The following CSMD3 variants were observed in gnomAD, a reference collection of about 807,000 sequenced individuals.
CSMD3 encodes CUB and Sushi multiple domains 3.
CSMD3 carries 177 observed loss-of-function variants against 435.2 expected under a neutral mutation model. The observed-to-expected ratio is 0.41, with a 90% confidence interval of 0.36 to 0.46. CSMD3 has a LOEUF of 0.46. CSMD3 is among the 20% of genes least tolerant of loss of function. CSMD3 has a pLI of 0.34. For missense variants in CSMD3, 4,265 were observed against 4,504.6 expected (o/e 0.95, Z 1.52); for synonymous variants, 1,656 against 1,520.5 (o/e 1.09, Z -2.07).
chr8:112,896,628 C>G (rs2081957335), intron 10 of CSMD3, among the ~76,000 whole-genome samples: 1 of 151,394 alleles, frequency 6.6e-6, no homozygotes, highest in African/African-American at 2.4e-5. Flanking sequence ...TCCACCACCA[C>G]TACAACAATA....
intron 38 of CSMD3, among the ~76,000 whole-genome samples, chr8:112,377,155 T>G (rs1008880356): frequency 1.3e-5 from 2 of 151,898 alleles, no homozygotes; most frequent in Non-Finnish European, 2.9e-5. Context: ...TAAAAACACT[T>G]ATAATAAAAA....
chr8:112,835,544 A>G (rs1289698872), intron 11 of CSMD3, among the ~76,000 whole-genome samples: 1 of 151,878 alleles, frequency 6.6e-6, no homozygotes, highest in Admixed American at 6.6e-5. Flanking sequence ...GAAGTACAGC[A>G]TACCTCCCAA....
intron 3 of CSMD3, among the ~76,000 whole-genome samples, chr8:113,178,525 T>C (rs1225729599): frequency 1.3e-5 from 2 of 151,918 alleles, no homozygotes; most frequent in Non-Finnish European, 2.9e-5. Flanking sequence ...AGAATACTAA[T>C]TGTATTGCGA....
chr8:112,463,083 C>T (rs1009121767), intron 32 of CSMD3, among the ~76,000 whole-genome samples: 10 of 152,250 alleles, frequency 6.6e-5, no homozygotes, highest in South Asian at 6.2e-4. Flanking sequence ...CAGGGCTGGG[C>T]GCAGTGGCTC....
chr8:112,975,571 C>T (rs146456970), intron 7 of CSMD3, among the ~76,000 whole-genome samples: 1 of 152,062 alleles, frequency 6.6e-6, no homozygotes, highest in Non-Finnish European at 1.5e-5. Context: ...TTTTACTGTC[C>T]TGTTTAAAAA....
chr8:113,388,124 G>T (rs1381753053), intron 1 of CSMD3, among the ~76,000 whole-genome samples: 2 of 151,596 alleles, frequency 1.3e-5, no homozygotes, highest in Non-Finnish European at 3.0e-5. Flanking sequence ...ATCTTTATAT[G>T]CTATGCTAAG....
intron 22 of CSMD3, among the ~76,000 whole-genome samples, chr8:112,617,305 T>G (rs1396553744): frequency 1.3e-5 from 2 of 152,220 alleles, no homozygotes; most frequent in Non-Finnish European, 2.9e-5. Flanking sequence ...TTTTTCTTAT[T>G]TGGGCAAAAT....
chr8:113,387,137 T>A (rs1217594421), intron 1 of CSMD3, among the ~76,000 whole-genome samples: 4 of 151,802 alleles, frequency 2.6e-5, no homozygotes, highest in Non-Finnish European at 5.9e-5. Flanking sequence ...ATTCAAATTA[T>A]TTTTTAATCA....
At chr8:112,982,485 G>C (rs1020032900) in intron 6 of CSMD3, among the ~76,000 whole-genome samples, 1 of 151,894 alleles carries the variant, frequency 6.6e-6, no homozygotes, top group Non-Finnish European at 1.5e-5. Flanking sequence ...TAGAGTAAAA[G>C]CATTTGTCAT....
chr8:112,866,509 T>C (rs1194005412), intron 10 of CSMD3, among the ~76,000 whole-genome samples: 1 of 152,186 alleles, frequency 6.6e-6, no homozygotes, highest in Non-Finnish European at 1.5e-5. Context: ...TTTGCTGACA[T>C]ATGTGACATG....
intron 4 of CSMD3, among the ~76,000 whole-genome samples, chr8:113,104,612 TTA>T: frequency 6.6e-6 from 1 of 152,218 alleles, no homozygotes; most frequent in South Asian, 2.1e-4. Flanking sequence ...TAATTTTGTT[TTA>T]TGTTTGTCAC....
intron 52 of CSMD3, among the ~76,000 whole-genome samples, chr8:112,302,743 T>C (rs566210040): frequency 5.3e-5 from 8 of 151,988 alleles, no homozygotes; most frequent in Admixed American, 4.6e-4. Flanking sequence ...GGTAGAGAAA[T>C]AGAAAACTTT....
intron 13 of CSMD3, among the ~76,000 whole-genome samples, chr8:112,736,383 T>A (rs1446107692): frequency 6.6e-6 from 1 of 152,066 alleles, no homozygotes; most frequent in Non-Finnish European, 1.5e-5. Flanking sequence ...ACCTCCTGCC[T>A]TGACAGGCTT....
intron 7 of CSMD3, among the ~76,000 whole-genome samples, chr8:112,955,657 T>A (rs1003578848): frequency 6.6e-6 from 1 of 151,876 alleles, no homozygotes; most frequent in African/African-American, 2.4e-5. Flanking sequence ...CATTGACCAA[T>A]CACTCCTCAT....
intron 2 of CSMD3, among the ~76,000 whole-genome samples, chr8:113,302,465 T>A (rs968642250): frequency 8.0e-5 from 12 of 150,932 alleles, no homozygotes; most frequent in African/African-American, 2.7e-4. Flanking sequence ...CTTCAGAATA[T>A]CAAATATTAA....
In CSMD3 at chr8:112,448,107, C is replaced by T. The variant is rs376027381; in HGVS notation, c.5395+24484G>A. On this transcript the variant is annotated intron_variant, in intron 32 of 70. Transcript: ENST00000297405. Reference sequence around the variant, plus strand: ...CAATCTTTCCTCACAGTTTTGGAGGCTAAACATCTGAGATCGGGGACAAGC... The same window carrying T: ...CAATCTTTCCTCACAGTTTTGGAGGTTAAACATCTGAGATCGGGGACAAGC... 3.9e-5 allele frequency among the ~76,000 whole-genome samples: 6 copies of T among 152,248 alleles called. No individual in the cohort carries two copies. The South Asian group carries it at 1.2e-3, about 32-fold the overall frequency.
intron 4 of CSMD3, among the ~76,000 whole-genome samples, chr8:113,106,677 C>T (rs544460352): frequency 6.6e-6 from 1 of 152,112 alleles, no homozygotes; most frequent in Non-Finnish European, 1.5e-5. Flanking sequence ...AATTCATGTT[C>T]CACTTCCATT....
intron 5 of CSMD3, among the ~76,000 whole-genome samples, chr8:113,036,931 A>G (rs2087379909): frequency 1.3e-5 from 2 of 152,096 alleles, no homozygotes; most frequent in Admixed American, 1.3e-4. Flanking sequence ...AACTATGCAT[A>G]TATTTTGCAG....
chr8:112,311,273 C>A, intron 49 of CSMD3, 107 bp from the exon 50 acceptor site: 2 of 855,994 alleles, frequency 2.3e-6, no homozygotes, highest in South Asian at 2.8e-5. Flanking sequence ...GGTCAGTGGT[C>A]ATCTATGTAA....
Sources: allele counts gnomAD v4.1 joint callset (sites outside exome capture counted in the v4.1 genomes callset), GRCh38; gene constraint gnomAD v4.1.1; transcripts MANE v1.5; gene names NCBI Gene and HGNC (gene_info 2026-07-23, HGNC 2026-07-21).